Variants in NANS observed in about 807,000 individuals in gnomAD.
The protein encoded by NANS is N-acetylneuraminate synthase.
A neutral mutation model predicts 33.3 loss-of-function variants in NANS; 29 were observed. The observed-to-expected ratio is 0.87, with a 90% CI of 0.65 to 1.19. The LOEUF (loss-of-function observed/expected upper bound fraction) is 1.19. Among genes scored for constraint, NANS ranks in the 50% most tolerant of loss-of-function variants. The probability of loss-of-function intolerance (pLI) is 0.00; values close to 1 mark genes in which losing one functional copy is unlikely to be tolerated. For missense variants in NANS, 394 were observed against 461.1 expected (o/e 0.85, Z 1.33); for synonymous variants, 163 against 177.2 (o/e 0.92, Z 0.64).
rs769096376 is a variant in NANS at position 98,067,867 on chromosome 9, A to G, written c.348+6870A>G. The stretch of plus-strand genomic sequence containing the variant: ...CTCCTAAGTAGCTAGGACTATAGGC[A>G]TGCGCCATCAGACTCAGCTAATTTT... On this transcript the variant is annotated intron_variant, in intron 2 of 5. Transcript: ENST00000210444. Among the ~76,000 whole-genome samples, 92 of 151,966 alleles carry G rather than the reference A, an allele frequency of 6.1e-4. 1 individual carries two copies. The highest frequency in any genetic ancestry group is 3.2e-4 in the Non-Finnish European group (22 of 68,006).
chr9:98,062,450 T>C (rs920647046), intron 2 of NANS, among the ~76,000 whole-genome samples: 1 of 151,968 alleles, frequency 6.6e-6, no homozygotes, highest in Admixed American at 6.6e-5. Context: ...TGTGTTCTTT[T>C]GAATGTAAAA....
At chr9:98,058,092 T>G (rs1828880869) in intron 1 of NANS, among the ~76,000 whole-genome samples, 1 of 151,702 alleles carries the variant, frequency 6.6e-6, no homozygotes, top group Non-Finnish European at 1.5e-5. Flanking sequence ...CTGGGCTAAT[T>G]TTTTTGTAGA....
chr9:98,071,643 T>C (rs73492791), intron 2 of NANS, among the ~76,000 whole-genome samples: 59,871 of 152,096 alleles, frequency 0.39, 14,628 homozygotes, highest in African/African-American at 0.68. Context: ...CCTGGCTTTG[T>C]CCTTAACTCT....
intron 2 of NANS, among the ~76,000 whole-genome samples, chr9:98,067,025 C>T (rs906600908): frequency 5.3e-5 from 8 of 152,138 alleles, no homozygotes; most frequent in African/African-American, 1.9e-4. Flanking sequence ...TGTGGTCCTT[C>T]GAGCCTGACT....
intron 2 of NANS, among the ~76,000 whole-genome samples, chr9:98,071,680 C>T (rs370026475): frequency 2.0e-3 from 297 of 152,306 alleles, no homozygotes; most frequent in African/African-American, 6.9e-3. Context: ...AGCCCCTTCC[C>T]TGCCTGGGCC....
chr9:98,079,036 GCATCC>G (rs1829728368), intron 4 of NANS, among the ~76,000 whole-genome samples: 1 of 152,006 alleles, frequency 6.6e-6, no homozygotes, highest in South Asian at 2.1e-4. Context: ...CTAATGCTGA[GCATCC>G]CTGAGGCTCA....
At position 98,082,990 on chromosome 9, in the gene NANS, G is replaced by A. The variant is rs778958907; in HGVS notation, c.1015G>A (p.Val339Ile). Residue 339 changes from valine to isoleucine, a missense_variant, in exon 6 of 6, where the codon GTT (valine) becomes ATT (isoleucine). Val to Ile is a conservative substitution (Grantham distance 29, BLOSUM62 3). Coordinates refer to ENST00000210444, the MANE Select transcript of NANS (RefSeq NM_018946.4). Reference protein sequence around the residue: ...NLVGKKVLVTVEEDDTIMEEL... With the variant: ...NLVGKKVLVTIEEDDTIMEEL... ...AGTGGGCAAGAAGGTCCTGGTCACT[G>A]TTGAAGAGGATGACACCATCATGGA... 6.2e-7 allele frequency: 1 copy of A among 1,614,180 alleles called. No homozygotes were observed. The highest frequency in any genetic ancestry group is 1.1e-5 in the South Asian group (1 of 91,078).
chr9:98,061,167 G>A (rs1828963836), intron 2 of NANS, 170 bp downstream of exon 2: 2 of 642,888 alleles, frequency 3.1e-6, no homozygotes, highest in South Asian at 3.8e-5. Flanking sequence ...TGGGAAGGAT[G>A]CCATTGTTTT....
intron 1 of NANS, among the ~76,000 whole-genome samples, chr9:98,058,412 A>T (rs545323668): frequency 2.7e-4 from 41 of 152,322 alleles, no homozygotes; most frequent in African/African-American, 8.9e-4. Flanking sequence ...TTTAAAGGCT[A>T]AGAGAAAATA....
intron 2 of NANS, 192 bp downstream of exon 2, chr9:98,061,189 G>A (rs1828964323): frequency 1.7e-6 from 1 of 597,908 alleles, no homozygotes; most frequent in African/African-American, 1.9e-5. Flanking sequence ...AAAACACATT[G>A]TCTCTGGCCG....
At chr9:98,059,097 T>C (rs1587902063) in intron 1 of NANS, among the ~76,000 whole-genome samples, 3 of 151,258 alleles carry the variant, frequency 2.0e-5, no homozygotes, top group South Asian at 2.1e-4. Flanking sequence ...GATCTCGGCT[T>C]ACTGCAAGCT....
In NANS at chr9:98,056,955, CCCGGGACCCGGGATTCG is replaced by C; in HGVS notation, c.132+16_132+32del. The C allele has an allele frequency of 1.3e-6, 2 of 1,562,924 alleles. No homozygotes were observed. Among genetic ancestry groups the C allele is most frequent in the Non-Finnish European group, 1.7e-6 (2 of 1,155,364 alleles). ...GCATGGCCAAGGTGAGGCGGCAGCTCCCGGGACCCGGGATTCGGGCGCCGGGAGGGGCGGGGCGGGGC... is the reference window on the plus strand; with the variant it reads ...GCATGGCCAAGGTGAGGCGGCAGCTCGGCGCCGGGAGGGGCGGGGCGGGGC... On this transcript the variant is annotated intron_variant, in intron 1 of 5. Coordinates refer to ENST00000210444, the MANE Select transcript of NANS (RefSeq NM_018946.4).
chr9:98,057,103 C>G (rs1294119043), intron 1 of NANS, among the ~76,000 whole-genome samples, 163 bp downstream of exon 1: 1 of 152,246 alleles, frequency 6.6e-6, no homozygotes, highest in Non-Finnish European at 1.5e-5. Context: ...TCTTCCTCAC[C>G]GTGTCCGCCA....
Position 98,078,102 on chromosome 9 carries a change from T to C in NANS, c.449-91T>C, listed in dbSNP as rs541796894. Reference sequence around the variant, plus strand: ...TTTAAGAGATGTCTGTGGAGTTCAGTTGAATGATGAGACCAGCAGTTGGGA... The same window carrying C: ...TTTAAGAGATGTCTGTGGAGTTCAGCTGAATGATGAGACCAGCAGTTGGGA... On this transcript the variant is annotated intron_variant, in intron 3 of 5. Coordinates refer to ENST00000210444, the MANE Select transcript of NANS (RefSeq NM_018946.4). The C allele has an allele frequency of 2.7e-4, 424 of 1,562,448 alleles. 1 individual carries two copies. The African/African-American group carries it at 4.7e-3, about 17-fold the overall frequency.
intron 2 of NANS, 22 bp downstream of exon 2, chr9:98,061,019 C>A: frequency 6.2e-7 from 1 of 1,610,212 alleles, no homozygotes; most frequent in South Asian, 1.1e-5. Context: ...GCTGCTCTGT[C>A]ATTTGTCACT....
At chr9:98,078,873 A>G (rs1006005109) in intron 4 of NANS, among the ~76,000 whole-genome samples, 5 of 151,308 alleles carry the variant, frequency 3.3e-5, no homozygotes. Flanking sequence ...GTCAACAGAC[A>G]TTTGGGATGA....
intron 2 of NANS, among the ~76,000 whole-genome samples, chr9:98,064,675 G>A (rs1829083441): frequency 1.3e-5 from 2 of 152,344 alleles, no homozygotes; most frequent in Admixed American, 1.3e-4. Context: ...AGAGGGGCCA[G>A]AAGTTTGTTC....
chr9:98,078,242 G>C lies in NANS; in HGVS notation c.498G>C (p.Lys166Asn). ...GGATGCAGTCAATGGACACCATGAA[G>C]CAAGTTTATCAGATCGTGAAGCCCC... Reference protein sequence around the residue: ...SSGMQSMDTMKQVYQIVKPLN... With the variant: ...SSGMQSMDTMNQVYQIVKPLN... The change falls in exon 4 of 6, where the codon AAG becomes AAC. Residue 166 changes from lysine to asparagine, a missense_variant. Coordinates refer to ENST00000210444, the MANE Select transcript of NANS (RefSeq NM_018946.4). The C allele has an allele frequency of 6.2e-7, 1 of 1,614,140 alleles. No homozygotes were observed. Among genetic ancestry groups the C allele is most frequent in the Non-Finnish European group, 8.5e-7 (1 of 1,180,032 alleles).
chr9:98,074,384 G>A (rs1829487583), intron 2 of NANS, among the ~76,000 whole-genome samples: 1 of 152,146 alleles, frequency 6.6e-6, no homozygotes, highest in Admixed American at 6.5e-5. Context: ...CCGATAGCAC[G>A]GTCGGCAGGC....
Sources: allele counts gnomAD v4.1 joint callset (sites outside exome capture counted in the v4.1 genomes callset), GRCh38; gene constraint gnomAD v4.1.1; transcripts MANE v1.5; gene names NCBI Gene and HGNC (gene_info 2026-07-23, HGNC 2026-07-21).